EFCC1: variants seen among roughly 807,000 people sequenced by gnomAD.
EFCC1 encodes EF-hand and coiled-coil domain containing 1.
In EFCC1, 50 loss-of-function variants were observed where a neutral mutation model predicts 52.1. The observed-to-expected ratio is 0.96, with a 90% CI of 0.76 to 1.21. The LOEUF (loss-of-function observed/expected upper bound fraction) is 1.21. Among genes scored for constraint, EFCC1 ranks in the 50% most tolerant of loss-of-function variants. The pLI is 0.00. For synonymous variants in EFCC1, 399 were observed against 396.5 expected (o/e 1.01, Z -0.08); for missense variants, 837 against 867.3 (o/e 0.97, Z 0.44).
At position 129,038,855 on chromosome 3, in the gene EFCC1, A is replaced by G. The variant is rs563929853; in HGVS notation, c.1618A>G (p.Lys540Glu). 87 of 1,613,940 alleles carry G rather than the reference A, an allele frequency of 5.4e-5. 1 individual carries two copies. The East Asian group carries it at 1.7e-3, about 31-fold the overall frequency. ...DLNISKRALG[K>E]ILLSTLDAFR... ...GAACATATCGAAAAGAGCCCTGGGG[A>G]AGATTTTGCTGAGCACGCTGGACGC... The change falls in exon 7 of 8, where the codon AAG becomes GAG. Residue 540 changes from lysine to glutamate, a missense_variant. Coordinates refer to ENST00000683648, the MANE Select transcript of EFCC1 (RefSeq NM_001377500.1).
chr3:129,022,167 G>C (rs1286518121), intron 2 of EFCC1, among the ~76,000 whole-genome samples: 1 of 152,186 alleles, frequency 6.6e-6, no homozygotes, highest in Non-Finnish European at 1.5e-5. Context: ...AATATTACCA[G>C]GGGCAGGAGC....
At chr3:129,027,092 G>A (rs934081315) in intron 2 of EFCC1, among the ~76,000 whole-genome samples, 4 of 152,064 alleles carry the variant, frequency 2.6e-5, no homozygotes, top group African/African-American at 7.3e-5. Context: ...TTCCCGCTTC[G>A]TCGGTCATCA....
chr3:129,005,801 C>T (rs1473913637), intron 2 of EFCC1, among the ~76,000 whole-genome samples: 1 of 152,272 alleles, frequency 6.6e-6, no homozygotes, highest in Non-Finnish European at 1.5e-5. Flanking sequence ...CAGCCTCCTG[C>T]AGCATGCAGT....
At chr3:129,033,402 C>G (rs1946312011) in intron 4 of EFCC1, among the ~76,000 whole-genome samples, 1 of 152,164 alleles carries the variant, frequency 6.6e-6, no homozygotes, top group Admixed American at 6.5e-5. Flanking sequence ...CCTGGGACAC[C>G]TCAGACAAGT....
chr3:129,037,290 G>A (rs1946370123), intron 6 of EFCC1, among the ~76,000 whole-genome samples, 173 bp downstream of exon 6: 1 of 152,188 alleles, frequency 6.6e-6, no homozygotes. Context: ...TAGGGTTGGG[G>A]GGCTCCCCAG....
intron 2 of EFCC1, among the ~76,000 whole-genome samples, chr3:129,008,794 C>T (rs559987161): frequency 6.6e-6 from 1 of 152,300 alleles, no homozygotes; most frequent in South Asian, 2.1e-4. Flanking sequence ...TACTCCCTGG[C>T]CCAGCCCCTG....
At chr3:129,003,755 G>C (rs917660105) in intron 1 of EFCC1, 39 bp from the exon 2 acceptor site, 2 of 1,352,484 alleles carry the variant, frequency 1.5e-6, no homozygotes, top group African/African-American at 1.5e-5. Context: ...CATCTGGCTG[G>C]GGCACTTACC....
rs895589881 is a variant in EFCC1, at chr3:129,002,226, G to T, written c.598G>T (p.Val200Phe). Residue 200 changes from valine (V) to phenylalanine (F), a missense_variant, in exon 1 of 8, where the codon GTT (valine) becomes TTT (phenylalanine). Transcript: ENST00000683648. Reference protein sequence around the residue: ...GPDSGPDCERVARLEEENSSL... With the variant: ...GPDSGPDCERFARLEEENSSL... ...CGACAGCGGTCCTGACTGTGAGCGCGTTGCGCGGCTGGAGGAGGAGAATAG... is the reference window on the plus strand; with the variant it reads ...CGACAGCGGTCCTGACTGTGAGCGCTTTGCGCGGCTGGAGGAGGAGAATAG... 3.4e-5 allele frequency: 52 copies of T among 1,528,884 alleles called. No homozygotes were observed. Among genetic ancestry groups the T allele is most frequent in the Non-Finnish European group, 4.3e-5 (49 of 1,143,548 alleles). 94.7% of individuals were successfully genotyped at this position (1,528,884 alleles called of 1,614,324 possible). A position where few individuals can be genotyped will look rare whatever the true frequency, so the allele number is the denominator to read the frequency against.
At chr3:129,009,734 G>A (rs1406653958) in intron 2 of EFCC1, among the ~76,000 whole-genome samples, 1 of 152,216 alleles carries the variant, frequency 6.6e-6, no homozygotes, top group Non-Finnish European at 1.5e-5. Flanking sequence ...TGTCTGGGTA[G>A]AATAGCCCAC....
At chr3:129,008,083 T>A (rs1225325606) in intron 2 of EFCC1, among the ~76,000 whole-genome samples, 2 of 152,186 alleles carry the variant, frequency 1.3e-5, no homozygotes, top group African/African-American at 4.8e-5. Context: ...TTCAGAGCAG[T>A]TTTCCATCTG....
intron 2 of EFCC1, among the ~76,000 whole-genome samples, chr3:129,019,099 G>T (rs1945718215): frequency 6.6e-6 from 1 of 152,206 alleles, no homozygotes; most frequent in Non-Finnish European, 1.5e-5. Flanking sequence ...ACACATAAAT[G>T]ATTTGACCAA....
intron 2 of EFCC1, among the ~76,000 whole-genome samples, chr3:129,028,399 T>TA (rs1029761622): frequency 1.3e-5 from 2 of 151,924 alleles, no homozygotes; most frequent in Non-Finnish European, 2.9e-5. Context: ...ATTTCATTCT[T>TA]AAAAAAAATA....
At chr3:129,017,401 G>A (rs1234070721) in intron 2 of EFCC1, among the ~76,000 whole-genome samples, 1 of 152,196 alleles carries the variant, frequency 6.6e-6, no homozygotes, top group Non-Finnish European at 1.5e-5. Flanking sequence ...TCATAATTCC[G>A]TAGGCCGGAA....
At position 129,039,886 on chromosome 3, in the gene EFCC1, G is replaced by A. The variant is rs376429711; in HGVS notation, c.*38G>A. Reference sequence around the variant, plus strand: ...ACCCTGTGGGCACCCTGCTCAGCCTGACTGCCTTTGGACCAGCCTCCATGA... The same window carrying A: ...ACCCTGTGGGCACCCTGCTCAGCCTAACTGCCTTTGGACCAGCCTCCATGA... On this transcript the variant is annotated 3_prime_UTR_variant, in exon 8 of 8. Coordinates refer to ENST00000683648, the MANE Select transcript of EFCC1 (RefSeq NM_001377500.1). The A allele has an allele frequency of 4.6e-5, 72 of 1,562,888 alleles. No individual in the cohort carries two copies. Among genetic ancestry groups the A allele is most frequent in the Non-Finnish European group, 6.1e-5 (70 of 1,149,344 alleles).
intron 2 of EFCC1, among the ~76,000 whole-genome samples, chr3:129,005,300 C>T (rs1945022437): frequency 6.6e-6 from 1 of 152,160 alleles, no homozygotes; most frequent in East Asian, 1.9e-4. Flanking sequence ...GTTACCGGGC[C>T]AGATGGAGAG....
At chr3:129,036,352 G>C (rs921127736) in intron 5 of EFCC1, among the ~76,000 whole-genome samples, 3 of 152,330 alleles carry the variant, frequency 2.0e-5, no homozygotes, top group East Asian at 3.9e-4. Context: ...CCCTCCATTG[G>C]TGCCAGGGGA....
intron 2 of EFCC1, among the ~76,000 whole-genome samples, chr3:129,017,551 G>T (rs890997622): frequency 6.6e-6 from 1 of 152,200 alleles, no homozygotes; most frequent in African/African-American, 2.4e-5. Flanking sequence ...TGGGACCGAG[G>T]CCCTATTTCC....
intron 2 of EFCC1, among the ~76,000 whole-genome samples, chr3:129,027,271 C>G (rs868722203): frequency 6.6e-6 from 1 of 152,178 alleles, no homozygotes; most frequent in African/African-American, 2.4e-5. Flanking sequence ...GCGGTGCTCG[C>G]AGCCGAGGTG....
At chr3:129,018,832 T>C (rs1945703418) in intron 2 of EFCC1, among the ~76,000 whole-genome samples, 2 of 152,198 alleles carry the variant, frequency 1.3e-5, no homozygotes, top group South Asian at 4.1e-4. Context: ...TTGGCGGCGT[T>C]GTGGCACATG....
Sources: allele counts gnomAD v4.1 joint callset (sites outside exome capture counted in the v4.1 genomes callset), GRCh38; gene constraint gnomAD v4.1.1; transcripts MANE v1.5; gene names NCBI Gene and HGNC (gene_info 2026-07-23, HGNC 2026-07-21).